Variants in PRR16 observed in about 807,000 individuals in gnomAD.
The protein encoded by PRR16 is protein Largen.
Under a neutral mutation model 18.2 loss-of-function variants are expected in PRR16, and 6 were observed. The ratio of observed to expected loss-of-function variants is 0.33; its 90% CI spans 0.18 to 0.65. PRR16 has a LOEUF of 0.65. PRR16 is among the 30% of genes least tolerant of loss of function. The pLI is 0.74. For missense variants in PRR16, 412 were observed against 376.6 expected, an observed-to-expected ratio of 1.09 and a Z score of -0.78; for synonymous variants, 151 against 147.8, an observed-to-expected ratio of 1.02 and a Z score of -0.16.
chr5:120,686,647 C>T lies in PRR16; in HGVS notation c.853C>T (p.Pro285Ser), dbSNP rs781005183. Residue 285 changes from proline (P) to serine (S), a missense_variant, in exon 2 of 2, where the codon CCT (proline) becomes TCT (serine). By Grantham distance (74) the Pro-to-Ser change is moderately conservative (BLOSUM62 -1). Transcript: ENST00000407149. Reference protein sequence around the residue: ...FPPIRPATVPPPTAPKPQKTI... With the variant: ...FPPIRPATVPSPTAPKPQKTI... ...CCCTATCAGACCTGCAACTGTGCCT[C>T]CTCCCACTGCACCAAAACCACAGAA... 3 of 1,594,494 alleles carry T rather than the reference C, an allele frequency of 1.9e-6. No individual in the cohort carries two copies. The East Asian group carries it at 6.7e-5, about 36-fold the overall frequency.
chr5:120,518,521 A>G (rs1197748951), intron 1 of PRR16, among the ~76,000 whole-genome samples: 15 of 152,020 alleles, frequency 9.9e-5, no homozygotes, highest in Non-Finnish European at 2.1e-4. Flanking sequence ...CTTCAGAGAA[A>G]GAAAATTGTG....
chr5:120,535,602 T>C (rs930495053), intron 1 of PRR16, among the ~76,000 whole-genome samples: 8 of 151,100 alleles, frequency 5.3e-5, no homozygotes, highest in Non-Finnish European at 7.4e-5. Flanking sequence ...GAGTTCAAAA[T>C]CAGCCTGGCC....
At chr5:120,490,174 A>G (rs1433221372) in intron 1 of PRR16, among the ~76,000 whole-genome samples, 4 of 151,866 alleles carry the variant, frequency 2.6e-5, no homozygotes, top group Admixed American at 2.6e-4. Flanking sequence ...CGTTCTCTGT[A>G]TTGCCTGAAT....
At chr5:120,761,649 T>A in the PRR16 span, among the ~76,000 whole-genome samples, 1 of 152,186 alleles carries the variant, frequency 6.6e-6, no homozygotes, top group African/African-American at 2.4e-5. Flanking sequence ...TATTTTGTTA[T>A]ATGCCTAGAA....
intron 1 of PRR16, among the ~76,000 whole-genome samples, chr5:120,471,203 T>C (rs1271945359): frequency 6.6e-6 from 1 of 152,160 alleles, no homozygotes; most frequent in Non-Finnish European, 1.5e-5. Flanking sequence ...AATTTAAAAT[T>C]TGCAAATAAA....
chr5:120,693,318 TTAAG>T, the PRR16 span, among the ~76,000 whole-genome samples: 2 of 152,188 alleles, frequency 1.3e-5, no homozygotes, highest in Admixed American at 6.5e-5. Flanking sequence ...TGTTGAGTCA[TTAAG>T]TATGTATCCT....
the PRR16 span, among the ~76,000 whole-genome samples, chr5:120,772,676 T>C: frequency 6.6e-6 from 1 of 152,052 alleles, no homozygotes; most frequent in African/African-American, 2.4e-5. Flanking sequence ...TGTCACAAAA[T>C]GTTTGATGCA....
chr5:120,793,961 G>A, the PRR16 span, among the ~76,000 whole-genome samples: 2 of 152,070 alleles, frequency 1.3e-5, no homozygotes, highest in Non-Finnish European at 2.9e-5. Flanking sequence ...TGAAAATGTG[G>A]TATTACCTTG....
intron 1 of PRR16, among the ~76,000 whole-genome samples, chr5:120,606,832 C>T (rs377607504): frequency 2.0e-5 from 3 of 151,872 alleles, no homozygotes; most frequent in South Asian, 2.1e-4. Context: ...ACTTGGGCCA[C>T]GAAACACAAG....
At chr5:120,713,595 T>C in the PRR16 span, among the ~76,000 whole-genome samples, 2 of 152,152 alleles carry the variant, frequency 1.3e-5, no homozygotes, top group Admixed American at 6.6e-5. Flanking sequence ...ACCATTCGTA[T>C]TGTGGACAAA....
At chr5:120,665,277 A>G (rs76917686) in intron 1 of PRR16, among the ~76,000 whole-genome samples, 63,465 of 150,402 alleles carry the variant, frequency 0.42, 14,283 homozygotes, top group East Asian at 0.86. Context: ...GTCTGTTCAT[A>G]TCCTTCACCC....
chr5:120,623,930 A>G (rs1253922308), intron 1 of PRR16, among the ~76,000 whole-genome samples: 4 of 151,970 alleles, frequency 2.6e-5, no homozygotes, highest in Non-Finnish European at 5.9e-5. Context: ...TTATTTGTAT[A>G]TAACAACTAT....
At chr5:120,574,907 G>C (rs1433288865) in intron 1 of PRR16, among the ~76,000 whole-genome samples, 1 of 148,468 alleles carries the variant, frequency 6.7e-6, no homozygotes, top group Non-Finnish European at 1.5e-5. Context: ...ACATAACAAA[G>C]GAATTTGTTC....
intron 1 of PRR16, among the ~76,000 whole-genome samples, chr5:120,641,145 C>T (rs1429057577): frequency 6.6e-6 from 1 of 152,112 alleles, no homozygotes; most frequent in East Asian, 1.9e-4. Context: ...TAAAATTGTG[C>T]TGAGGCAATA....
chr5:120,613,414 T>G (rs1754396709), intron 1 of PRR16, among the ~76,000 whole-genome samples: 1 of 152,062 alleles, frequency 6.6e-6, no homozygotes, highest in South Asian at 2.1e-4. Flanking sequence ...TTATGTATTA[T>G]TATAGAAAGT....
At chr5:120,784,334 C>T in the PRR16 span, among the ~76,000 whole-genome samples, 39 of 152,178 alleles carry the variant, frequency 2.6e-4, no homozygotes, top group Middle Eastern at 3.4e-3. Flanking sequence ...CAACAGTGTA[C>T]GAGCTTTACT....
chr5:120,725,005 T>G, the PRR16 span, among the ~76,000 whole-genome samples: 6 of 152,238 alleles, frequency 3.9e-5, no homozygotes, highest in East Asian at 1.2e-3. Flanking sequence ...CATGTCATCC[T>G]TTTATCTTGA....
intron 1 of PRR16, among the ~76,000 whole-genome samples, chr5:120,552,570 A>G (rs1752287274): frequency 6.6e-6 from 1 of 151,910 alleles, no homozygotes; most frequent in Non-Finnish European, 1.5e-5. Context: ...TTCTGAAAAA[A>G]CTGACGTAGT....
intron 1 of PRR16, among the ~76,000 whole-genome samples, chr5:120,541,176 T>C (rs1314159631): frequency 1.3e-5 from 2 of 152,176 alleles, no homozygotes; most frequent in African/African-American, 4.8e-5. Flanking sequence ...AGATGGAGTC[T>C]CAGTCTGTCA....
Sources: gnomAD v4.1 joint callset for allele counts (sites outside exome capture counted in the v4.1 genomes callset) on GRCh38, gnomAD v4.1.1 for gene constraint, MANE v1.5 for transcripts, NCBI Gene and HGNC (gene_info 2026-07-23, HGNC 2026-07-21) for gene names.